The following IL1RAPL2 variants were observed in gnomAD, a reference collection of about 807,000 sequenced individuals.
The protein encoded by IL1RAPL2 is X-linked interleukin-1 receptor accessory protein-like 2.
A neutral mutation model predicts 44.1 loss-of-function variants in IL1RAPL2; 3 were observed. That is an observed-to-expected ratio of 0.07 (90% confidence interval 0.03 to 0.18). The LOEUF is 0.18. Among genes scored for constraint, IL1RAPL2 ranks in the 10% least tolerant of loss-of-function variants. The pLI is 1.00. For synonymous variants in IL1RAPL2, 181 were observed against 178.8 expected (o/e 1.01, Z -0.10); for missense variants, 391 against 496.4 (o/e 0.79, Z 2.02).
chrX:105,490,627 A>C (rs1256313059), intron 6 of IL1RAPL2, among the ~76,000 whole-genome samples: 1 of 112,529 alleles, frequency 8.9e-6, no homozygotes, highest in Non-Finnish European at 1.9e-5. Context: ...ACTAGAAGGC[A>C]AACAAATACC....
chrX:104,723,158 A>G (rs1192451248), intron 2 of IL1RAPL2, among the ~76,000 whole-genome samples: 4 of 111,123 alleles, frequency 3.6e-5, no homozygotes, highest in African/African-American at 1.3e-4. Context: ...ATTGGTACCC[A>G]TGATCTATTT....
At chrX:104,904,311 C>T (rs1923911420) in intron 2 of IL1RAPL2, among the ~76,000 whole-genome samples, 1 of 108,882 alleles carries the variant, frequency 9.2e-6, no homozygotes, top group Non-Finnish European at 1.9e-5. Flanking sequence ...CTTTTTTTCT[C>T]ATTATTATAC....
chrX:104,940,414 G>A (rs1223895303), intron 2 of IL1RAPL2, among the ~76,000 whole-genome samples: 1 of 111,657 alleles, frequency 9.0e-6, no homozygotes, highest in Non-Finnish European at 1.9e-5. Context: ...TATATTACCA[G>A]CATACTTTCA....
chrX:105,246,263 C>T (rs752860521), intron 4 of IL1RAPL2, among the ~76,000 whole-genome samples: 1 of 112,084 alleles, frequency 8.9e-6, no homozygotes, highest in Admixed American at 9.5e-5. Context: ...AGGAAAATTA[C>T]AAAACTAAAT....
chrX:104,833,785 T>A (rs943696865), intron 2 of IL1RAPL2, among the ~76,000 whole-genome samples: 1 of 112,353 alleles, frequency 8.9e-6, no homozygotes, highest in African/African-American at 3.2e-5. Context: ...CTACTGAGGA[T>A]AAGTGACTAT....
At chrX:105,062,949 C>T (rs1380401703) in intron 2 of IL1RAPL2, among the ~76,000 whole-genome samples, 1 of 110,805 alleles carries the variant, frequency 9.0e-6, no homozygotes, top group African/African-American at 3.3e-5. Context: ...GTTCTATAAC[C>T]TTCTTGTACT....
At chrX:105,510,557 A>G in intron 6 of IL1RAPL2, among the ~76,000 whole-genome samples, 1 of 112,058 alleles carries the variant, frequency 8.9e-6, no homozygotes, top group Middle Eastern at 4.6e-3. Flanking sequence ...GGAACCTGTG[A>G]GTATATCACC....
intron 6 of IL1RAPL2, among the ~76,000 whole-genome samples, chrX:105,633,749 A>G (rs1231447585): frequency 9.0e-6 from 1 of 111,127 alleles, no homozygotes; most frequent in Admixed American, 9.6e-5. Context: ...ACACACACTC[A>G]TGCACCCACT....
intron 2 of IL1RAPL2, among the ~76,000 whole-genome samples, chrX:104,931,127 G>A (rs1312127429): frequency 2.7e-5 from 3 of 109,880 alleles, no homozygotes; most frequent in Non-Finnish European, 5.7e-5. Flanking sequence ...CTTATTCCTG[G>A]GATTAAAAAT....
intron 3 of IL1RAPL2, among the ~76,000 whole-genome samples, chrX:105,222,143 T>C (rs1037226481): frequency 8.9e-6 from 1 of 112,020 alleles, no homozygotes; most frequent in Non-Finnish European, 1.9e-5. Flanking sequence ...CTCCACAATG[T>C]TATCCACCAT....
At chrX:104,855,165 A>G (rs1042577748) in intron 2 of IL1RAPL2, among the ~76,000 whole-genome samples, 2 of 111,896 alleles carry the variant, frequency 1.8e-5, no homozygotes, top group African/African-American at 6.5e-5. Flanking sequence ...TCTGCCCTGG[A>G]CTATATAGTA....
In IL1RAPL2 at chrX:105,121,385, C is replaced by T. The variant is rs888976054; in HGVS notation, c.83-74090C>T. Among the ~76,000 whole-genome samples the T allele has an allele frequency of 3.6e-5, 4 of 111,444 alleles. No individual in the cohort carries two copies. The Admixed American group carries it at 3.8e-4, about 11-fold the overall frequency. The stretch of plus-strand genomic sequence containing the variant: ...AAGTCAGAGAGTCATGTCATACTGG[C>T]CTTTTCCATCTGCTCTGTGATCTGT... On this transcript the variant is annotated intron_variant, in intron 2 of 10. Transcript: ENST00000372582.
At chrX:105,453,177 G>A (rs1194549386) in intron 5 of IL1RAPL2, among the ~76,000 whole-genome samples, 3 of 111,602 alleles carry the variant, frequency 2.7e-5, no homozygotes, top group African/African-American at 6.5e-5. Flanking sequence ...TTTGGTGAAC[G>A]TCCATCAATC....
intron 3 of IL1RAPL2, among the ~76,000 whole-genome samples, chrX:105,205,916 A>G (rs1556151845): frequency 9.0e-6 from 1 of 110,611 alleles, no homozygotes; most frequent in African/African-American, 3.3e-5. Context: ...CAATTGTATT[A>G]GTTGAGGAGA....
chrX:105,097,752 T>C (rs2032623764), intron 2 of IL1RAPL2, among the ~76,000 whole-genome samples: 1 of 111,484 alleles, frequency 9.0e-6, no homozygotes, highest in South Asian at 3.8e-4. Flanking sequence ...TTCAGTGATC[T>C]TTTCCCCTCC....
intron 2 of IL1RAPL2, among the ~76,000 whole-genome samples, chrX:104,857,449 C>A (rs1922393946): frequency 8.9e-6 from 1 of 111,784 alleles, no homozygotes; most frequent in South Asian, 3.8e-4. Flanking sequence ...AACCATCTCC[C>A]ATAGTGTATT....
intron 1 of IL1RAPL2, among the ~76,000 whole-genome samples, chrX:104,626,114 A>T (rs1929501027): frequency 1.8e-5 from 2 of 111,199 alleles, no homozygotes; most frequent in South Asian, 7.5e-4. Flanking sequence ...CATGCTTACT[A>T]TAATTATGAT....
chrX:104,796,215 A>C (rs1420962864), intron 2 of IL1RAPL2, among the ~76,000 whole-genome samples: 1 of 112,517 alleles, frequency 8.9e-6, no homozygotes, highest in African/African-American at 3.2e-5. Flanking sequence ...TTTCACAGAG[A>C]TATTGTAAGA....
In IL1RAPL2 at chrX:105,374,876, A is replaced by T. The variant is rs1390801936; in HGVS notation, c.697+107335A>T. On this transcript the variant is annotated intron_variant, in intron 5 of 10. Transcript: ENST00000372582. ...GGCAGGAGAATGGCGTGAACCCGGT[A>T]GACGGAGCTTGCAGCGAGCCTAGAT... 2.9e-5 allele frequency among the ~76,000 whole-genome samples: 3 copies of T among 102,245 alleles called. No individual in the cohort carries two copies. In the East Asian group the frequency reaches 9.7e-4, roughly 33 times the overall value. 88.8% of individuals were successfully genotyped at this position (102,245 alleles called of 115,157 possible).
Sources: allele counts gnomAD v4.1 joint callset (sites outside exome capture counted in the v4.1 genomes callset), GRCh38; gene constraint gnomAD v4.1.1; transcripts MANE v1.5; gene names NCBI Gene and HGNC (gene_info 2026-07-23, HGNC 2026-07-21).